Variants in GOLM1 observed in about 807,000 individuals in gnomAD.
GOLM1 encodes the protein golgi membrane protein 1.
In GOLM1, 31 loss-of-function variants were observed where a neutral mutation model predicts 50.5. That is an observed-to-expected ratio of 0.61 (90% confidence interval 0.46 to 0.83). GOLM1 has a LOEUF of 0.83. Among genes scored for constraint, GOLM1 ranks in the 40% least tolerant of loss-of-function variants. The pLI is 0.00. For missense variants in GOLM1, 491 were observed against 501.3 expected, an observed-to-expected ratio of 0.98 and a Z score of 0.20; for synonymous variants, 178 against 192.8, an observed-to-expected ratio of 0.92 and a Z score of 0.64.
Position 86,026,328 on chromosome 9 carries a change from T to C in GOLM1, c.*1489A>G, listed in dbSNP as rs1832781778. ...ACTCTAAGATTTTATCTAAGTTGCC[T>C]TTTCTGGGTGGGAAAGTTTAACCTT... is the stretch of plus-strand genomic sequence containing the variant. On this transcript the variant is annotated 3_prime_UTR_variant, in exon 10 of 10. Coordinates refer to ENST00000388712, the MANE Select transcript of GOLM1 (RefSeq NM_016548.4). 1.0e-6 allele frequency: 1 copy of C among 985,082 alleles called. No homozygotes were observed. The highest frequency in any genetic ancestry group is 4.7e-5 in the South Asian group (1 of 21,250). The allele number at this position is 985,082 out of a possible 1,614,324, so 61.0% of individuals were successfully genotyped here.
At chr9:86,036,736 A>T in intron 6 of GOLM1, 1 of 542,636 alleles carries the variant, frequency 1.8e-6, no homozygotes, top group Non-Finnish European at 3.2e-6. Flanking sequence ...TACAGAATAA[A>T]ACTGGGCAGT....
chr9:86,088,886 G>C (rs1435311554), intron 1 of GOLM1, among the ~76,000 whole-genome samples: 1 of 152,120 alleles, frequency 6.6e-6, no homozygotes, highest in Non-Finnish European at 1.5e-5. Context: ...GTACGCTTTT[G>C]CAGTGGCTGG....
At chr9:86,053,100 ACTC>A (rs1833822207) in intron 3 of GOLM1, among the ~76,000 whole-genome samples, 2 of 14,450 alleles carry the variant, frequency 1.4e-4, no homozygotes, top group Non-Finnish European at 2.8e-4. Flanking sequence ...CCATGCCACA[ACTC>A]CACACCACAC....
chr9:86,064,373 T>G (rs1021296247), intron 3 of GOLM1, among the ~76,000 whole-genome samples: 1 of 152,198 alleles, frequency 6.6e-6, no homozygotes, highest in African/African-American at 2.4e-5. Flanking sequence ...CAATTCACAC[T>G]TTCCCGCACC....
intron 1 of GOLM1, among the ~76,000 whole-genome samples, chr9:86,096,037 G>C (rs370062963): frequency 2.0e-5 from 3 of 152,272 alleles, no homozygotes; most frequent in East Asian, 3.9e-4. Flanking sequence ...CCTTGTAAAA[G>C]TCCATTGAAG....
chr9:86,070,916 C>T (rs564775651), intron 3 of GOLM1, among the ~76,000 whole-genome samples: 4 of 152,234 alleles, frequency 2.6e-5, no homozygotes, highest in East Asian at 1.9e-4. Flanking sequence ...ACAGCAGGAA[C>T]GTTCTGTGGC....
chr9:86,040,833 TC>T lies in GOLM1; in HGVS notation c.502del (p.Glu168AsnfsTer7), dbSNP rs761621758. 6.2e-7 allele frequency: 1 copy of T among 1,613,930 alleles called. No homozygotes were observed. Among genetic ancestry groups the T allele is most frequent in the Non-Finnish European group, 8.5e-7 (1 of 1,179,846 alleles). On this transcript the variant is annotated frameshift_variant, in exon 6 of 10. Transcript: ENST00000388712. LOFTEE classifies it high-confidence loss of function. ...QCINQMKEVK[E>X]QCEERIEEVT... is the part of the protein sequence containing the mutation. Reference sequence around the variant, plus strand: ...CTCTTCTATTCGCTCCTCACACTGTTCCTTCACCTCCTTCATCTGATTGATG... The same window carrying T: ...CTCTTCTATTCGCTCCTCACACTGTTCTTCACCTCCTTCATCTGATTGATG...
chr9:86,075,319 C>T (rs540207185), intron 3 of GOLM1, among the ~76,000 whole-genome samples: 59 of 152,246 alleles, frequency 3.9e-4, no homozygotes, highest in Non-Finnish European at 7.5e-4. Flanking sequence ...ACCGCTGCTG[C>T]GGTGGCTTAC....
chr9:86,064,835 C>T (rs76687945), intron 3 of GOLM1, among the ~76,000 whole-genome samples: 1 of 152,276 alleles, frequency 6.6e-6, no homozygotes, highest in Admixed American at 6.5e-5. Context: ...TGCAGCAGAT[C>T]GGCTCCTCCA....
At chr9:86,079,899 C>T (rs914706809) in intron 1 of GOLM1, 17 of 151,900 alleles carry the variant, frequency 1.1e-4, no homozygotes, top group African/African-American at 3.6e-4. Flanking sequence ...CCAATTAAAG[C>T]ATTTCTCAAG....
intron 8 of GOLM1, among the ~76,000 whole-genome samples, chr9:86,034,474 G>A (rs926882265): frequency 1.5e-4 from 23 of 152,178 alleles, no homozygotes; most frequent in Non-Finnish European, 3.4e-4. Flanking sequence ...AGCCGCTGAG[G>A]GGTCTGACAC....
At chr9:86,086,816 C>CT (rs1226566372) in intron 1 of GOLM1, among the ~76,000 whole-genome samples, 4 of 152,096 alleles carry the variant, frequency 2.6e-5, no homozygotes, top group African/African-American at 7.2e-5. Flanking sequence ...GTCTATGTAT[C>CT]TTTTTTGGTA....
At position 86,026,776 on chromosome 9, in the gene GOLM1, A is replaced by T. The variant is rs1832798711; in HGVS notation, c.*1041T>A. 1.0e-6 allele frequency: 1 copy of T among 981,704 alleles called. No homozygotes were observed. 60.8% of individuals were successfully genotyped at this position (981,704 alleles called of 1,614,324 possible). A position where few individuals can be genotyped will look rare whatever the true frequency, so the allele number is the denominator to read the frequency against. Reference sequence around the variant, plus strand: ...GTAGTAATTTTCAAAATTCACATTAACTTGATTTTAAAATCAGTTTTGTGA... The same window carrying T: ...GTAGTAATTTTCAAAATTCACATTATCTTGATTTTAAAATCAGTTTTGTGA... On this transcript the variant is annotated 3_prime_UTR_variant, in exon 10 of 10. Transcript: ENST00000388712.
At position 86,052,694 on chromosome 9, in the gene GOLM1, TG is replaced by T. The variant is rs1211969316; in HGVS notation, c.310-104del. Reference sequence around the variant, plus strand: ...ATGGGGCCTGTCCCCAACCCAGCGCTGCTGTCAGGGAAGGAGCTCGCACTCA... The same window carrying T: ...ATGGGGCCTGTCCCCAACCCAGCGCTCTGTCAGGGAAGGAGCTCGCACTCA... On this transcript the variant is annotated intron_variant, in intron 3 of 9. Coordinates refer to ENST00000388712, the MANE Select transcript of GOLM1 (RefSeq NM_016548.4). 3.2e-6 allele frequency: 3 copies of T among 935,580 alleles called. No individual in the cohort carries two copies. The Admixed American group carries it at 5.3e-5, about 16-fold the overall frequency. The allele number at this position is 935,580 out of a possible 1,614,324, so 58.0% of individuals were successfully genotyped here. A position where few individuals can be genotyped will look rare whatever the true frequency, so the allele number is the denominator to read the frequency against.
chr9:86,034,711 A>G (rs1427404346), intron 8 of GOLM1, among the ~76,000 whole-genome samples: 16 of 152,192 alleles, frequency 1.1e-4, no homozygotes, highest in Admixed American at 9.8e-4. Context: ...AAATAAGTGT[A>G]TTCTCCAACT....
intron 5 of GOLM1, among the ~76,000 whole-genome samples, chr9:86,044,642 A>T (rs1833474249): frequency 6.6e-6 from 1 of 152,232 alleles, no homozygotes; most frequent in Admixed American, 6.5e-5. Context: ...GTAATTTTTT[A>T]AATTTAAAAA....
intron 3 of GOLM1, among the ~76,000 whole-genome samples, chr9:86,069,410 C>T (rs1834388856): frequency 6.6e-6 from 1 of 152,098 alleles, no homozygotes; most frequent in African/African-American, 2.4e-5. Flanking sequence ...GCAGTCAAAC[C>T]ATCTTCACCA....
chr9:86,046,364 C>T (rs1468427448), intron 5 of GOLM1, 106 bp downstream of exon 5: 17 of 716,136 alleles, frequency 2.4e-5, no homozygotes, highest in Middle Eastern at 3.6e-4. Context: ...GAGTCCCGCA[C>T]GGAGCAGAAG....
At chr9:86,040,893 G>A in intron 5 of GOLM1, 25 bp from the exon 6 acceptor site, 2 of 1,611,034 alleles carry the variant, frequency 1.2e-6, no homozygotes, top group Non-Finnish European at 1.7e-6. Flanking sequence ...AGCAAAGGAA[G>A]GGCCTGACGT....
Sources: allele counts gnomAD v4.1 joint callset (sites outside exome capture counted in the v4.1 genomes callset), GRCh38; gene constraint gnomAD v4.1.1; transcripts MANE v1.5; gene names NCBI Gene and HGNC (gene_info 2026-07-23, HGNC 2026-07-21).